ERCC6: variants seen among roughly 807,000 people sequenced by gnomAD.
ERCC6 encodes DNA excision repair protein ERCC-6.
In ERCC6, 116 loss-of-function variants were observed where a neutral mutation model predicts 158.7. That is an observed-to-expected ratio of 0.73 (90% CI 0.63 to 0.85). The LOEUF (loss-of-function observed/expected upper bound fraction) is 0.85, where lower values mean the gene tolerates loss of function less well. Among genes scored for constraint, ERCC6 ranks in the 40% least tolerant of loss-of-function variants. The probability of loss-of-function intolerance (pLI) is 0.00; values close to 1 mark genes in which losing one functional copy is unlikely to be tolerated. For missense variants in ERCC6, 1,698 were observed against 1,799.4 expected (o/e 0.94, Z 1.02); for synonymous variants, 678 against 659.3 (o/e 1.03, Z -0.43).
chr10:49,473,969 G>A, intron 13 of ERCC6, 58 bp downstream of exon 13: 1 of 1,449,192 alleles, frequency 6.9e-7, no homozygotes, highest in Non-Finnish European at 9.7e-7. Flanking sequence ...CCCATTTTGT[G>A]AGTTGATGGC....
In ERCC6 at chr10:49,472,899, A is replaced by T. The variant is rs748846798; in HGVS notation, c.2829+10T>A. On this transcript the variant is annotated intron_variant, in intron 15 of 20. Coordinates refer to ENST00000355832, the MANE Select transcript of ERCC6 (RefSeq NM_000124.4). ...TAATACATTCTTTTAAAAAAAAAAT[A>T]AAAACAAACCTGCGTGTCCGTGCTT... 5 of 1,611,932 alleles carry T rather than the reference A, an allele frequency of 3.1e-6. No homozygotes were observed. In the South Asian group the frequency reaches 5.5e-5, roughly 18 times the overall value.
chr10:49,531,914 C>T (rs4253015), intron 2 of ERCC6, among the ~76,000 whole-genome samples: 10,515 of 152,212 alleles, frequency 0.069, 446 homozygotes, highest in Middle Eastern at 0.11. Flanking sequence ...CCTCCCACTT[C>T]CCCTCTCCTG....
intron 19 of ERCC6, 83 bp downstream of exon 19, chr10:49,461,269 T>A: frequency 1.5e-6 from 2 of 1,349,420 alleles, no homozygotes; most frequent in South Asian, 1.2e-5. Context: ...AATAACAGTA[T>A]AAGCCTCCAC....
Position 49,470,747 on chromosome 10 carries a change from C to A in ERCC6, c.3213G>T (p.Glu1071Asp), listed in dbSNP as rs1171931512. The A allele has an allele frequency of 6.2e-7, 1 of 1,614,158 alleles. No individual in the cohort carries two copies. Among genetic ancestry groups the A allele is most frequent in the South Asian group, 1.1e-5 (1 of 91,078 alleles). ...CTTCAGCTCCTTTAGCCTCAGATTT[C>A]TCTTCAGATGATGTGGCATCATTTA... Reference protein sequence around the residue: ...ISVNDATSSEEKSEAKGAEVN... With the variant: ...ISVNDATSSEDKSEAKGAEVN... Residue 1071 changes from glutamate to aspartate, a missense_variant, in exon 18 of 21, where the codon GAG becomes GAT. Physicochemically the swap from Glu to Asp is conservative, Grantham distance 45. Coordinates refer to ENST00000355832, the MANE Select transcript of ERCC6 (RefSeq NM_000124.4).
rs935635167 is a variant in ERCC6, at chr10:49,455,915, C to T, written c.*2900G>A. 6.6e-6 allele frequency: 1 copy of T among 152,126 alleles called. No individual in the cohort carries two copies. Among genetic ancestry groups the T allele is most frequent in the African/African-American group, 2.4e-5 (1 of 41,416 alleles). 9.4% of individuals were successfully genotyped at this position (152,126 alleles called of 1,614,324 possible). ...TGGCAAGGGTTTGGAGAAATGGGTCCTTTTATGGAGGGTGAATTGATGCAA... is the reference window on the plus strand; with the variant it reads ...TGGCAAGGGTTTGGAGAAATGGGTCTTTTTATGGAGGGTGAATTGATGCAA... On this transcript the variant is annotated 3_prime_UTR_variant, in exon 21 of 21. Transcript: ENST00000355832.
chr10:49,499,248 TC>T (rs1457238838), intron 7 of ERCC6, among the ~76,000 whole-genome samples: 1 of 152,234 alleles, frequency 6.6e-6, no homozygotes, highest in Non-Finnish European at 1.5e-5. Flanking sequence ...CCAAGTGTTT[TC>T]TTCCCCTTCC....
At chr10:49,482,385 CAT>C (rs1430369947) in intron 10 of ERCC6, among the ~76,000 whole-genome samples, 3 of 152,188 alleles carry the variant, frequency 2.0e-5, no homozygotes, top group Non-Finnish European at 2.9e-5. Flanking sequence ...CTTCTGACCA[CAT>C]GTGACATCTT....
rs1234629386 is a variant in ERCC6 at position 49,515,206 on chromosome 10, G to GA, written c.1397+8826dup. 6.0e-5 allele frequency: 79 copies of GA among 1,309,078 alleles called. 1 individual carries two copies. The highest frequency in any genetic ancestry group is 3.5e-4 in the South Asian group (14 of 39,538). The allele number at this position is 1,309,078 out of a possible 1,614,324, so 81.1% of individuals were successfully genotyped here. On this transcript the variant is annotated intron_variant, in intron 5 of 20. Coordinates refer to ENST00000355832, the MANE Select transcript of ERCC6 (RefSeq NM_000124.4). Reference sequence around the variant, plus strand: ...AATTCAAGGAACAAAAATTTGAAGAGAAAAAAAAATTTATTATGTTCCATT... The same window carrying GA: ...AATTCAAGGAACAAAAATTTGAAGAGAAAAAAAAAATTTATTATGTTCCATT...
At chr10:49,529,534 G>A (rs1837419590) in intron 3 of ERCC6, among the ~76,000 whole-genome samples, 1 of 152,168 alleles carries the variant, frequency 6.6e-6, no homozygotes, top group Non-Finnish European at 1.5e-5. Context: ...CTCTGATTTG[G>A]GAGGACCCAC....
At chr10:49,490,599 C>T (rs1049421769) in intron 8 of ERCC6, among the ~76,000 whole-genome samples, 1 of 152,078 alleles carries the variant, frequency 6.6e-6, no homozygotes, top group African/African-American at 2.4e-5. Context: ...GTGATCCACC[C>T]GCCTCGGCCT....
At chr10:49,525,828 C>G (rs192729223) in intron 4 of ERCC6, among the ~76,000 whole-genome samples, 7 of 152,076 alleles carry the variant, frequency 4.6e-5, no homozygotes, top group East Asian at 3.9e-4. Context: ...TCTACGCCCC[C>G]CAAGATAATG....
In ERCC6 at chr10:49,472,849, G is replaced by A. The variant is rs115560123; in HGVS notation, c.2829+60C>T. The A allele has an allele frequency of 8.8e-6, 14 of 1,585,206 alleles. No individual in the cohort carries two copies. The African/African-American group carries it at 1.8e-4, about 20-fold the overall frequency. The stretch of plus-strand genomic sequence containing the variant: ...AGAACATCAAAGGACAGTCAAAAGC[G>A]CTAACCATGAAACTATATTTCTACT... On this transcript the variant is annotated intron_variant, in intron 15 of 20. Coordinates refer to ENST00000355832, the MANE Select transcript of ERCC6 (RefSeq NM_000124.4).
intron 3 of ERCC6, among the ~76,000 whole-genome samples, chr10:49,530,415 G>A (rs972522310): frequency 6.6e-6 from 1 of 152,074 alleles, no homozygotes; most frequent in African/African-American, 2.4e-5. Flanking sequence ...ATGCATTTTT[G>A]ACTAACAATA....
At chr10:49,448,797 T>C in the ERCC6 span, among the ~76,000 whole-genome samples, 1 of 152,246 alleles carries the variant, frequency 6.6e-6, no homozygotes, top group Non-Finnish European at 1.5e-5. Context: ...ATAGCATGTA[T>C]CAGTGTATCC....
chr10:49,461,517 T>C lies in ERCC6; in HGVS notation c.3818A>G (p.Asp1273Gly), dbSNP rs115686725. 8.1e-6 allele frequency: 13 copies of C among 1,614,086 alleles called. No homozygotes were observed. In the East Asian group the frequency reaches 2.0e-4, roughly 25 times the overall value. The change falls in exon 19 of 21, where the codon GAT becomes GGT. Residue 1273 changes from aspartate (D) to glycine (G), a missense_variant. Asp to Gly is a moderately conservative substitution (Grantham distance 94, BLOSUM62 -1). Transcript: ENST00000355832. ...CAGTACATAATCTGGGCTGGCTCCA[T>C]CCATGATGGCATCGTGCTTCATGAC... ...HSVMKHDAIM[D>G]GASPDYVLVE...
rs1438060084 is a variant in ERCC6, at chr10:49,470,770, T to C, written c.3190A>G (p.Asn1064Asp). ...KKFPASNISV[N>D]DATSSEEKSE... is the part of the protein sequence containing the mutation. The stretch of plus-strand genomic sequence containing the variant: ...TTCTCTTCAGATGATGTGGCATCAT[T>C]TACAGATATGTTAGAAGCAGGGAAC... The change falls in exon 18 of 21, where the codon AAT becomes GAT. Residue 1064 changes from asparagine to aspartate, a missense_variant. By Grantham distance (23) the Asn-to-Asp change is conservative. Coordinates refer to ENST00000355832, the MANE Select transcript of ERCC6 (RefSeq NM_000124.4). The C allele has an allele frequency of 6.2e-7, 1 of 1,614,162 alleles. No homozygotes were observed. Among genetic ancestry groups the C allele is most frequent in the South Asian group, 1.1e-5 (1 of 91,082 alleles).
intron 1 of ERCC6, among the ~76,000 whole-genome samples, chr10:49,537,912 G>C (rs1837640818): frequency 6.6e-6 from 1 of 152,294 alleles, no homozygotes; most frequent in South Asian, 2.1e-4. Context: ...AGTAAAGACA[G>C]GGTTTCACCA....
downstream of ERCC6, among the ~76,000 whole-genome samples, chr10:49,453,573 C>A (rs1274500116): frequency 6.6e-6 from 1 of 152,074 alleles, no homozygotes; most frequent in Non-Finnish European, 1.5e-5. Flanking sequence ...GAAAAATATG[C>A]ATTTATGTGA....
intron 6 of ERCC6, chr10:49,504,762 A>G (rs953405902): frequency 6.6e-6 from 1 of 152,184 alleles, no homozygotes; most frequent in African/African-American, 2.4e-5. Context: ...ATTACTACAG[A>G]TTCAGATTTC....
Sources: allele counts gnomAD v4.1 joint callset (sites outside exome capture counted in the v4.1 genomes callset), GRCh38; gene constraint gnomAD v4.1.1; transcripts MANE v1.5; gene names NCBI Gene and HGNC (gene_info 2026-07-23, HGNC 2026-07-21).